The following DPP6 variants were observed in gnomAD, a reference collection of about 807,000 sequenced individuals.
DPP6 encodes the protein A-type potassium channel modulatory protein DPP6.
In DPP6, 69 loss-of-function variants were observed where a neutral mutation model predicts 122.6. The observed-to-expected ratio is 0.56, with a 90% CI of 0.46 to 0.69. The LOEUF (loss-of-function observed/expected upper bound fraction) is 0.69. Among genes scored for constraint, DPP6 ranks in the 30% least tolerant of loss-of-function variants. The pLI is 0.00. For synonymous variants in DPP6, 418 were observed against 433.1 expected (o/e 0.97, Z 0.43); for missense variants, 928 against 1,116.9 (o/e 0.83, Z 2.41).
chr7:154,789,199 C>T (rs1227306111), intron 10 of DPP6, among the ~76,000 whole-genome samples: 1 of 152,202 alleles, frequency 6.6e-6, no homozygotes, highest in East Asian at 1.9e-4. Flanking sequence ...ACAGTCTAAC[C>T]CATGTGCATC....
rs975568694 is a variant in DPP6, at chr7:154,468,888, T to C, written c.359-6051T>C. The stretch of plus-strand genomic sequence containing the variant: ...AGATAAATTAGTATCTCTGTGAGAC[T>C]TTTTATAGACATAAGTCTGGAGTAT... On this transcript the variant is annotated intron_variant, in intron 2 of 25. Coordinates refer to ENST00000377770, the MANE Select transcript of DPP6 (RefSeq NM_130797.4). 3.3e-5 allele frequency among the ~76,000 whole-genome samples: 5 copies of C among 152,218 alleles called. No homozygotes were observed. The South Asian group carries it at 1.0e-3, about 31-fold the overall frequency.
chr7:153,878,993 A>G, the DPP6 span, among the ~76,000 whole-genome samples: 43 of 152,184 alleles, frequency 2.8e-4, no homozygotes, highest in Non-Finnish European at 5.4e-4. Flanking sequence ...AGAAAAGACA[A>G]CAGAAAAAGA....
At chr7:154,783,635 A>T (rs1183288912) in intron 10 of DPP6, among the ~76,000 whole-genome samples, 1 of 152,062 alleles carries the variant, frequency 6.6e-6, no homozygotes, top group Non-Finnish European at 1.5e-5. Context: ...TGGCATTATA[A>T]CGTTCCTGTA....
intron 1 of DPP6, among the ~76,000 whole-genome samples, chr7:154,360,263 T>C (rs557844087): frequency 3.5e-4 from 53 of 152,242 alleles, no homozygotes; most frequent in Middle Eastern, 6.8e-3. Context: ...CCTGTGGGAT[T>C]TGTGAGAAAA....
chr7:154,365,575 C>T (rs1424147655), intron 1 of DPP6, among the ~76,000 whole-genome samples: 3 of 152,182 alleles, frequency 2.0e-5, no homozygotes, highest in Admixed American at 1.3e-4. Context: ...GCTCAGAGTC[C>T]GCCAGGTGGC....
At chr7:154,848,520 T>G (rs1332116788) in intron 16 of DPP6, among the ~76,000 whole-genome samples, 1 of 152,274 alleles carries the variant, frequency 6.6e-6, no homozygotes, top group Non-Finnish European at 1.5e-5. Context: ...GTTTGTTTTC[T>G]TGCTATTGAG....
At chr7:154,146,755 C>T (rs1287052519) in intron 1 of DPP6, among the ~76,000 whole-genome samples, 4,263 of 140,964 alleles carry the variant, frequency 0.03, no homozygotes, top group African/African-American at 0.12. Context: ...TAAAGGGCAA[C>T]GACCTAACAC....
intron 1 of DPP6, among the ~76,000 whole-genome samples, chr7:154,133,743 T>G (rs1795405881): frequency 6.6e-6 from 1 of 151,120 alleles, no homozygotes; most frequent in African/African-American, 2.5e-5. Context: ...TTAATTTCAG[T>G]AGTGGCTTTT....
chr7:154,147,648 TTG>T (rs370147218), intron 1 of DPP6, among the ~76,000 whole-genome samples: 8,079 of 146,400 alleles, frequency 0.055, 384 homozygotes, highest in African/African-American at 0.15. Context: ...CCCAGCTAAT[TTG>T]TGTGTGTGTG....
intron 1 of DPP6, among the ~76,000 whole-genome samples, chr7:154,213,783 C>T (rs1356551268): frequency 2.0e-5 from 3 of 152,110 alleles, no homozygotes; most frequent in Admixed American, 1.3e-4. Context: ...TAGCTGTGCC[C>T]GTCATGCGGT....
rs1377566245 is a variant in DPP6 at position 154,075,830 on chromosome 7, A to T, written c.243+22767A>T. On this transcript the variant is annotated intron_variant, in intron 1 of 25. Transcript: ENST00000377770. ...AAATAAACATAAAATAAATTTTTAA[A>T]AAAGAGATACATGTGTTGAAATAGA... is the stretch of plus-strand genomic sequence containing the variant. Among the ~76,000 whole-genome samples, 4 of 148,616 alleles carry T rather than the reference A, an allele frequency of 2.7e-5. No individual in the cohort carries two copies. The East Asian group carries it at 7.9e-4, about 29-fold the overall frequency.
chr7:153,916,411 C>T (rs1800323732), intron 1 of DPP6, among the ~76,000 whole-genome samples: 1 of 127,440 alleles, frequency 7.8e-6, no homozygotes, highest in Admixed American at 8.2e-5. Flanking sequence ...CCCCTCCTCT[C>T]TCCTCCCCTC....
At chr7:154,075,345 A>C (rs1400266537) in intron 1 of DPP6, among the ~76,000 whole-genome samples, 1 of 151,996 alleles carries the variant, frequency 6.6e-6, no homozygotes, top group Non-Finnish European at 1.5e-5. Flanking sequence ...TATATGAAAA[A>C]GACACTTGCA....
intron 1 of DPP6, among the ~76,000 whole-genome samples, chr7:153,994,564 G>A (rs1239380111): frequency 6.6e-6 from 1 of 152,168 alleles, no homozygotes; most frequent in East Asian, 1.9e-4. Context: ...CAGCTTGAGT[G>A]ATTTGGCTGT....
chr7:154,348,399 T>G (rs1209079984), intron 1 of DPP6, among the ~76,000 whole-genome samples: 1 of 152,206 alleles, frequency 6.6e-6, no homozygotes, highest in Non-Finnish European at 1.5e-5. Flanking sequence ...ATGAAAGTCT[T>G]AATTAAATCT....
At chr7:153,768,138 T>C in the DPP6 span, among the ~76,000 whole-genome samples, 2 of 150,982 alleles carry the variant, frequency 1.3e-5, no homozygotes, top group African/African-American at 2.4e-5. Flanking sequence ...ATCTAGACAA[T>C]ATGAAGATAG....
chr7:153,810,322 A>G, the DPP6 span, among the ~76,000 whole-genome samples: 3 of 152,176 alleles, frequency 2.0e-5, no homozygotes, highest in African/African-American at 7.2e-5. Flanking sequence ...ACGATGTATG[A>G]TTAACCAACC....
At chr7:154,061,618 G>GCT (rs1185310504) in intron 1 of DPP6, among the ~76,000 whole-genome samples, 1 of 128,440 alleles carries the variant, frequency 7.8e-6, no homozygotes, top group African/African-American at 3.2e-5. Flanking sequence ...TCCCATCACA[G>GCT]GGGGGGGAGG....
chr7:154,504,768 C>T (rs13226031), intron 3 of DPP6, among the ~76,000 whole-genome samples: 38,797 of 150,680 alleles, frequency 0.26, 5,040 homozygotes, highest in Middle Eastern at 0.33. Context: ...AAAGACAAAA[C>T]GGTAATGGAA....
Sources: gnomAD v4.1 joint callset for allele counts (sites outside exome capture counted in the v4.1 genomes callset) on GRCh38, gnomAD v4.1.1 for gene constraint, MANE v1.5 for transcripts, NCBI Gene and HGNC (gene_info 2026-07-23, HGNC 2026-07-21) for gene names.